ESYT2: variants seen among roughly 807,000 people sequenced by gnomAD.
ESYT2 encodes extended synaptotagmin-2.
ESYT2 carries 54 observed loss-of-function variants against 107.2 expected under a neutral mutation model. The observed-to-expected ratio is 0.50, with a 90% confidence interval of 0.40 to 0.63. The LOEUF (loss-of-function observed/expected upper bound fraction) is 0.63, where lower values mean the gene tolerates loss of function less well. Ranked by LOEUF, ESYT2 falls within the 30% of genes least tolerant of loss-of-function variation. The probability of loss-of-function intolerance (pLI) is 0.00; values close to 1 mark genes in which losing one functional copy is unlikely to be tolerated. For missense variants in ESYT2, 1,020 were observed against 1,094.5 expected (o/e 0.93, Z 0.96); for synonymous variants, 491 against 434.1 (o/e 1.13, Z -1.63).
Position 158,734,241 on chromosome 7 carries a change from G to A in ESYT2, c.2567C>T (p.Thr856Met), listed in dbSNP as rs938534750. 27 of 1,613,972 alleles carry A rather than the reference G, an allele frequency of 1.7e-5. No individual in the cohort carries two copies. Among genetic ancestry groups the A allele is most frequent in the East Asian group, 2.2e-5 (1 of 44,896 alleles). The change falls in exon 23 of 23, where the codon ACG (threonine) becomes ATG (methionine). Residue 856 changes from threonine to methionine, a missense_variant. Transcript: ENST00000275418. The part of the protein sequence containing the change: ...AKGWTQWYDL[T>M]EDGTRPQAMT ...CGCCTGAGGCCTCGTCCCATCTTCC[G>A]TGAGGTCATACCTGAGAAAGACAGT... is the stretch of plus-strand genomic sequence containing the variant.
chr7:158,738,686 C>T (rs902564635), intron 19 of ESYT2, among the ~76,000 whole-genome samples: 6 of 152,154 alleles, frequency 3.9e-5, no homozygotes, highest in South Asian at 4.1e-4. Context: ...CTCCAGACCT[C>T]AGGTGATCTG....
At chr7:158,756,593 T>C (rs1041884587) in intron 13 of ESYT2, among the ~76,000 whole-genome samples, 8 of 152,142 alleles carry the variant, frequency 5.3e-5, no homozygotes, top group Admixed American at 1.3e-4. Context: ...GCCCTAGTTC[T>C]GACTCTTGCG....
intron 6 of ESYT2, among the ~76,000 whole-genome samples, chr7:158,780,041 A>C (rs750912849): frequency 2.6e-5 from 4 of 152,262 alleles, no homozygotes; most frequent in Non-Finnish European, 4.4e-5. Context: ...ACTCAGAATG[A>C]CTACCTACGA....
At chr7:158,762,693 T>C (rs570645469) in intron 10 of ESYT2, among the ~76,000 whole-genome samples, 1 of 152,270 alleles carries the variant, frequency 6.6e-6, no homozygotes, top group South Asian at 2.1e-4. Context: ...ATCCAGCAAC[T>C]CAAAAAACTT....
At chr7:158,743,966 C>A in intron 16 of ESYT2, 1 of 259,616 alleles carries the variant, frequency 3.9e-6, no homozygotes. Flanking sequence ...CCCAGCCACT[C>A]AAGAGGCTGA....
At chr7:158,775,226 T>C (rs1203098037) in intron 6 of ESYT2, among the ~76,000 whole-genome samples, 2 of 152,246 alleles carry the variant, frequency 1.3e-5, no homozygotes, top group Non-Finnish European at 2.9e-5. Context: ...ACATAAGCCT[T>C]CAGCGCGTCA....
chr7:158,781,875 GAACAAGT>G lies in ESYT2; in HGVS notation c.747+6122_747+6128del, dbSNP rs992864011. On this transcript the variant is annotated intron_variant, in intron 6 of 22. Transcript: ENST00000275418. ...AAGTGAGGTGTAAGTGTAAGAACGA[GAACAAGT>G]AAGAACGAGAACAAGTGTGAGTGAA... is the stretch of plus-strand genomic sequence containing the variant. 6.4e-4 allele frequency among the ~76,000 whole-genome samples: 48 copies of G among 74,944 alleles called. No homozygotes were observed. In the South Asian group the frequency reaches 0.015, roughly 23 times the overall value. 49.2% of individuals were successfully genotyped at this position (74,944 alleles called of 152,430 possible).
intron 6 of ESYT2, among the ~76,000 whole-genome samples, chr7:158,785,916 G>T (rs1303682925): frequency 6.6e-6 from 1 of 152,070 alleles, no homozygotes; most frequent in African/African-American, 2.4e-5. Context: ...ATAGTAGAAA[G>T]AAATTTAAAA....
intron 17 of ESYT2, 73 bp downstream of exon 17, chr7:158,743,456 G>C: frequency 6.5e-7 from 1 of 1,540,328 alleles, no homozygotes; most frequent in Non-Finnish European, 8.7e-7. Context: ...CCTCATGCCC[G>C]GGGCCCATGA....
chr7:158,757,080 A>T (rs1407818822), intron 13 of ESYT2, among the ~76,000 whole-genome samples: 15 of 152,154 alleles, frequency 9.9e-5, no homozygotes, highest in Non-Finnish European at 2.2e-4. Context: ...ACGAGCCAGT[A>T]GCAGTTGAGG....
At chr7:158,819,840 A>T (rs1219224084) in intron 1 of ESYT2, among the ~76,000 whole-genome samples, 2 of 152,048 alleles carry the variant, frequency 1.3e-5, no homozygotes, top group African/African-American at 4.8e-5. Flanking sequence ...TGAACAAATT[A>T]AAAAAAAGAA....
At chr7:158,807,488 ATTAT>A (rs1458972611) in intron 1 of ESYT2, among the ~76,000 whole-genome samples, 1 of 152,188 alleles carries the variant, frequency 6.6e-6, no homozygotes, top group Non-Finnish European at 1.5e-5. Flanking sequence ...TTCCTTTTTA[ATTAT>A]TTATTTGTAC....
chr7:158,825,307 A>G (rs994601614), intron 1 of ESYT2, among the ~76,000 whole-genome samples: 1 of 151,614 alleles, frequency 6.6e-6, no homozygotes, highest in Non-Finnish European at 1.5e-5. Flanking sequence ...ATAAATAAAT[A>G]AATGAAATAA....
chr7:158,781,911 C>G (rs1838844978), intron 6 of ESYT2, among the ~76,000 whole-genome samples: 2 of 127,124 alleles, frequency 1.6e-5, no homozygotes, highest in African/African-American at 3.1e-5. Context: ...GAGTGAACGA[C>G]AGAACAAAGT....
intron 1 of ESYT2, among the ~76,000 whole-genome samples, chr7:158,805,772 A>G (rs1013183055): frequency 6.6e-6 from 1 of 152,240 alleles, no homozygotes; most frequent in African/African-American, 2.4e-5. Flanking sequence ...CATTAATGAG[A>G]AATTTCACTA....
intron 6 of ESYT2, among the ~76,000 whole-genome samples, chr7:158,782,666 G>T (rs1435570962): frequency 6.6e-6 from 1 of 152,118 alleles, no homozygotes; most frequent in Non-Finnish European, 1.5e-5. Flanking sequence ...TAAAGAACAA[G>T]TGTGAGAACA....
At chr7:158,741,126 C>G (rs1837185282) in intron 18 of ESYT2, among the ~76,000 whole-genome samples, 1 of 152,180 alleles carries the variant, frequency 6.6e-6, no homozygotes, top group African/African-American at 2.4e-5. Context: ...CGTGAAAGAG[C>G]AGGTCTGTCC....
intron 6 of ESYT2, among the ~76,000 whole-genome samples, chr7:158,778,838 C>G (rs1838663823): frequency 6.6e-6 from 1 of 151,644 alleles, no homozygotes; most frequent in South Asian, 2.1e-4. Context: ...GTGTGACTGG[C>G]TGGCTTCACT....
chr7:158,780,708 C>A (rs574778760), intron 6 of ESYT2, among the ~76,000 whole-genome samples: 37 of 152,290 alleles, frequency 2.4e-4, no homozygotes, highest in Non-Finnish European at 4.6e-4. Flanking sequence ...AGAAACTAAT[C>A]GTCAGGGAGG....
Sources: gnomAD v4.1 joint callset for allele counts (sites outside exome capture counted in the v4.1 genomes callset) on GRCh38, gnomAD v4.1.1 for gene constraint, MANE v1.5 for transcripts, NCBI Gene and HGNC (gene_info 2026-07-23, HGNC 2026-07-21) for gene names.